The following LARS1 variants were observed in gnomAD, a reference collection of about 807,000 sequenced individuals.
LARS1 encodes the protein leucine--tRNA ligase, cytoplasmic.
In LARS1, 100 loss-of-function variants were observed where a neutral mutation model predicts 162.8. That is an observed-to-expected ratio of 0.61 (90% CI 0.52 to 0.73). The LOEUF (loss-of-function observed/expected upper bound fraction) is 0.73. LARS1 is among the 30% of genes least tolerant of loss of function. The probability of loss-of-function intolerance (pLI) is 0.00; values close to 1 mark genes in which losing one functional copy is unlikely to be tolerated. For missense variants in LARS1, 1,258 were observed against 1,408.9 expected, an observed-to-expected ratio of 0.89 and a Z score of 1.71; for synonymous variants, 457 against 462.8, an observed-to-expected ratio of 0.99 and a Z score of 0.16.
In LARS1 at chr5:146,182,506, C is replaced by A. The variant is rs558885890; in HGVS notation, c.-13G>T. 1.2e-6 allele frequency: 2 copies of A among 1,613,960 alleles called. No individual in the cohort carries two copies. The highest frequency in any genetic ancestry group is 1.7e-6 in the Non-Finnish European group (2 of 1,179,878). On this transcript the variant is annotated 5_prime_UTR_variant, in exon 1 of 32. Transcript: ENST00000394434. ...AACTCACCGCCATTGCACCGCCCAG[C>A]CGACTGTGCAAATCCACGACAATGA...
At chr5:146,173,731 T>C (rs1016756865) in intron 2 of LARS1, among the ~76,000 whole-genome samples, 1 of 152,050 alleles carries the variant, frequency 6.6e-6, no homozygotes, top group East Asian at 1.9e-4. Flanking sequence ...ATCTGACTTA[T>C]GAATCCACTG....
chr5:146,144,875 T>G lies in LARS1; in HGVS notation c.1504-166A>C, dbSNP rs182950450. 3.1e-5 allele frequency: 19 copies of G among 615,296 alleles called. No individual in the cohort carries two copies. In the Admixed American group the frequency reaches 5.5e-4, roughly 18 times the overall value. 38.1% of individuals were successfully genotyped at this position (615,296 alleles called of 1,614,324 possible). ...AGGGTCAGTCATCTTCTACCTTTCC[T>G]TCTATGTAACACCTGCTTTTAAAAA... On this transcript the variant is annotated intron_variant, in intron 15 of 31. Coordinates refer to ENST00000394434, the MANE Select transcript of LARS1 (RefSeq NM_020117.11).
intron 3 of LARS1, among the ~76,000 whole-genome samples, chr5:146,172,191 A>G (rs1219840226): frequency 6.6e-6 from 1 of 152,116 alleles, no homozygotes; most frequent in African/African-American, 2.4e-5. Flanking sequence ...ACACATACAC[A>G]TATGGCACAT....
intron 22 of LARS1, among the ~76,000 whole-genome samples, chr5:146,133,692 C>CAA (rs55993097): frequency 0.033 from 3,721 of 111,510 alleles, 208 homozygotes; most frequent in African/African-American, 0.093. Context: ...TATAGGGTTG[C>CAA]AAAAAAAAAA....
intron 16 of LARS1, 34 bp from the exon 17 acceptor site, chr5:146,144,571 A>G: frequency 6.2e-7 from 1 of 1,613,036 alleles, no homozygotes; most frequent in Non-Finnish European, 8.5e-7. Flanking sequence ...TTTTTTTTTA[A>G]GTCAAAGGTG....
chr5:146,175,248 A>C (rs1020154446), intron 2 of LARS1, among the ~76,000 whole-genome samples: 1 of 151,982 alleles, frequency 6.6e-6, no homozygotes, highest in African/African-American at 2.4e-5. Flanking sequence ...CAAATTAAAA[A>C]AAAAAAAAAG....
intron 1 of LARS1, among the ~76,000 whole-genome samples, chr5:146,178,842 C>A (rs1343669687): frequency 6.6e-6 from 1 of 152,136 alleles, no homozygotes; most frequent in African/African-American, 2.4e-5. Context: ...TGTCTACAAT[C>A]CCAACACTTT....
intron 31 of LARS1, among the ~76,000 whole-genome samples, chr5:146,115,405 AAAGATGAAAGTATTT>A (rs1346206245): frequency 6.6e-6 from 1 of 152,020 alleles, no homozygotes; most frequent in Non-Finnish European, 1.5e-5. Context: ...CATTTGCTCA[AAAGATGAAAGTATTT>A]GTATTAACAA....
At chr5:146,180,497 A>G (rs892869802) in intron 1 of LARS1, among the ~76,000 whole-genome samples, 1 of 151,744 alleles carries the variant, frequency 6.6e-6, no homozygotes, top group African/African-American at 2.4e-5. Flanking sequence ...AAAGAATGAG[A>G]CTCCATTTCA....
rs188961770 is a variant in LARS1, at chr5:146,177,415, G to A, written c.125+132C>T. 3,339 of 147,060 alleles carry A rather than the reference G, an allele frequency of 0.023. 44 individuals carry two copies. Among genetic ancestry groups the A allele is most frequent in the Middle Eastern group, 0.056 (14 of 248 alleles). 9.1% of individuals were successfully genotyped at this position (147,060 alleles called of 1,614,324 possible). On this transcript the variant is annotated intron_variant, in intron 2 of 31. Coordinates refer to ENST00000394434, the MANE Select transcript of LARS1 (RefSeq NM_020117.11). ...TGGGAGGCGGAGCTTGCAGTGAGCC[G>A]AGATTGCGCCACTGCACTCCAGCCT...
rs559289807 is a variant in LARS1, at chr5:146,124,456, T to C, written c.2992-370A>G. Among the ~76,000 whole-genome samples the C allele has an allele frequency of 3.3e-4, 50 of 151,896 alleles. No homozygotes were observed. The South Asian group carries it at 0.01, about 32-fold the overall frequency. Reference sequence around the variant, plus strand: ...AAATGTGTGAAAATATCCCTTTAAGTTACCCAAAAAAAACAAAATTTTAAT... The same window carrying C: ...AAATGTGTGAAAATATCCCTTTAAGCTACCCAAAAAAAACAAAATTTTAAT... On this transcript the variant is annotated intron_variant, in intron 28 of 31. Coordinates refer to ENST00000394434, the MANE Select transcript of LARS1 (RefSeq NM_020117.11).
chr5:146,126,526 G>A lies in LARS1; in HGVS notation c.2900C>T (p.Pro967Leu), dbSNP rs1263245016. 6.2e-7 allele frequency: 1 copy of A among 1,611,756 alleles called. No individual in the cohort carries two copies. The highest frequency in any genetic ancestry group is 1.3e-5 in the African/African-American group (1 of 74,914). Residue 967 changes from proline (P) to leucine (L), a missense_variant, in exon 28 of 32, where the codon CCT (proline) becomes CTT (leucine). By Grantham distance (98) the Pro-to-Leu change is moderately conservative. Transcript: ENST00000394434. ...TTCACTAGCAATGACTTTGTTGTCA[G>A]GCAGTTTTCCGTTATTGGCCTAAGA... Reference protein sequence around the residue: ...KHFEANNGKLPDNKVIASELG... With the variant: ...KHFEANNGKLLDNKVIASELG...
chr5:146,149,719 G>C lies in LARS1; in HGVS notation c.1426-20C>G, dbSNP rs1365804770. On this transcript the variant is annotated intron_variant, in intron 14 of 31. Coordinates refer to ENST00000394434, the MANE Select transcript of LARS1 (RefSeq NM_020117.11). ...CATGATCTAAAAGGATGAGAGGGGA[G>C]AAAAACCACATATAAAACAGTTAGA... 1 of 1,551,354 alleles carries C rather than the reference G, an allele frequency of 6.4e-7. No individual in the cohort carries two copies. The highest frequency in any genetic ancestry group is 2.2e-5 in the East Asian group (1 of 44,526).
chr5:146,128,706 T>C lies in LARS1; in HGVS notation c.2846A>G (p.His949Arg), dbSNP rs766683874. ...YVAKNYPPWQ[H>R]TTLSVLRKHF... Reference sequence around the variant, plus strand: ...TTTACGTAGAACAGACAGGGTGGTATGTTGCCAAGGTGGATAGTTCTTTGC... The same window carrying C: ...TTTACGTAGAACAGACAGGGTGGTACGTTGCCAAGGTGGATAGTTCTTTGC... Residue 949 changes from histidine to arginine, a missense_variant, in exon 27 of 32, where the codon CAT (histidine) becomes CGT (arginine). By Grantham distance (29) the His-to-Arg change is conservative. Coordinates refer to ENST00000394434, the MANE Select transcript of LARS1 (RefSeq NM_020117.11). The C allele has an allele frequency of 1.3e-6, 2 of 1,590,018 alleles. No individual in the cohort carries two copies. Among genetic ancestry groups the C allele is most frequent in the East Asian group, 4.5e-5 (2 of 44,366 alleles).
rs539467569 is a variant in LARS1 at position 146,177,610 on chromosome 5, T to C, written c.62A>G (p.Gln21Arg). The C allele has an allele frequency of 4.2e-5, 68 of 1,608,662 alleles. No homozygotes were observed. In the South Asian group the frequency reaches 6.8e-4, roughly 16 times the overall value. Residue 21 changes from glutamine (Q) to arginine (R), a missense_variant, in exon 2 of 32, where the codon CAA (glutamine) becomes CGA (arginine). Transcript: ENST00000394434. ...CACTCTCTCAGTATCCCATTTCTGT[T>C]GGATTTCTTTCTCAATCTTCTTCAA... Reference protein sequence around the residue: ...DFLKKIEKEIQQKWDTERVFE... With the variant: ...DFLKKIEKEIRQKWDTERVFE...
chr5:146,146,425 A>G (rs1427520419), intron 15 of LARS1, among the ~76,000 whole-genome samples: 1 of 150,692 alleles, frequency 6.6e-6, no homozygotes, highest in African/African-American at 2.4e-5. Context: ...TCATTTAAAG[A>G]AGTGGGTATC....
At position 146,182,395 on chromosome 5, in the gene LARS1, A is replaced by C. The variant is rs932662418; in HGVS notation, c.6+93T>G. The C allele has an allele frequency of 2.0e-6, 3 of 1,533,322 alleles. No homozygotes were observed. In the African/African-American group the frequency reaches 4.1e-5, roughly 21 times the overall value. The allele number at this position is 1,533,322 out of a possible 1,614,324, so 95.0% of individuals were successfully genotyped here. A position where few individuals can be genotyped will look rare whatever the true frequency, so the allele number is the denominator to read the frequency against. On this transcript the variant is annotated intron_variant, in intron 1 of 31. Transcript: ENST00000394434. Reference sequence around the variant, plus strand: ...CTTAAGCGTGGCTCTCTTTTAGAAAAGGACTTTCCCTTCAGGACAGCACAT... The same window carrying C: ...CTTAAGCGTGGCTCTCTTTTAGAAACGGACTTTCCCTTCAGGACAGCACAT...
At chr5:146,128,127 T>C (rs1288830266) in intron 27 of LARS1, among the ~76,000 whole-genome samples, 1 of 152,170 alleles carries the variant, frequency 6.6e-6, no homozygotes, top group African/African-American at 2.4e-5. Flanking sequence ...ATCTAAGTTA[T>C]TGAGTTCCCT....
rs553197017 is a variant in LARS1, at chr5:146,175,622, G to A, written c.125+1925C>T. 1.5e-4 allele frequency among the ~76,000 whole-genome samples: 22 copies of A among 151,300 alleles called. No homozygotes were observed. The South Asian group carries it at 3.7e-3, about 26-fold the overall frequency. On this transcript the variant is annotated intron_variant, in intron 2 of 31. Coordinates refer to ENST00000394434, the MANE Select transcript of LARS1 (RefSeq NM_020117.11). ...TGGAAGGCCGAGGCAGGCAGATCAC[G>A]AGGTCAGGAGATCGAGACCACAATG... is the stretch of plus-strand genomic sequence containing the variant.
Sources: gnomAD v4.1 joint callset for allele counts (sites outside exome capture counted in the v4.1 genomes callset) on GRCh38, gnomAD v4.1.1 for gene constraint, MANE v1.5 for transcripts, NCBI Gene and HGNC (gene_info 2026-07-23, HGNC 2026-07-21) for gene names.